Variants in JPH3 observed in about 807,000 individuals in gnomAD.
JPH3 encodes junctophilin-3.
Under a neutral mutation model 59.6 loss-of-function variants are expected in JPH3, and 11 were observed. That is an observed-to-expected ratio of 0.18 (90% CI 0.12 to 0.31). The LOEUF (loss-of-function observed/expected upper bound fraction) is 0.31. Ranked by LOEUF, JPH3 falls within the 10% of genes least tolerant of loss-of-function variation. The pLI, the probability that JPH3 is intolerant of heterozygous loss-of-function variation, is 1.00. For synonymous variants in JPH3, 673 were observed against 483.6 expected (o/e 1.39, Z -5.14); for missense variants, 1,202 against 1,105.7 (o/e 1.09, Z -1.24).
chr16:87,638,217 C>G (rs2031822365), intron 1 of JPH3, among the ~76,000 whole-genome samples: 1 of 152,180 alleles, frequency 6.6e-6, no homozygotes, highest in Non-Finnish European at 1.5e-5. Context: ...CCACACCCGG[C>G]CTCCTTTTAA....
intron 2 of JPH3, among the ~76,000 whole-genome samples, chr16:87,658,755 C>T (rs866244197): frequency 6.6e-6 from 1 of 152,232 alleles, no homozygotes; most frequent in Admixed American, 6.5e-5. Flanking sequence ...CTAAGCCCCT[C>T]TCTCCTCCAG....
In JPH3 at chr16:87,603,299, C is replaced by T; in HGVS notation, c.153C>T (p.Gly51=). 1 of 1,613,386 alleles carries T rather than the reference C, an allele frequency of 6.2e-7. No individual in the cohort carries two copies. ...GSWSHGFEVL[G]VYTWPSGNTY... is the part of the protein sequence containing the mutation. Reference sequence around the variant, plus strand: ...GGAGCCACGGCTTCGAGGTGCTGGGCGTCTACACCTGGCCCAGCGGCAACA... The same window carrying T: ...GGAGCCACGGCTTCGAGGTGCTGGGTGTCTACACCTGGCCCAGCGGCAACA... The change falls in exon 1 of 5, where the codon GGC becomes GGT. Residue 51 remains glycine (G), a synonymous_variant. Transcript: ENST00000284262.
At chr16:87,608,704 C>G (rs1388544300) in intron 1 of JPH3, among the ~76,000 whole-genome samples, 1 of 152,194 alleles carries the variant, frequency 6.6e-6, no homozygotes, top group Non-Finnish European at 1.5e-5. Context: ...CAGTGACCGC[C>G]TGGTCCCGGA....
At chr16:87,677,203 C>T (rs2033167585) in intron 2 of JPH3, among the ~76,000 whole-genome samples, 2 of 119,918 alleles carry the variant, frequency 1.7e-5, no homozygotes, top group South Asian at 6.1e-4. Flanking sequence ...CACACACACA[C>T]ACACACACAC....
At chr16:87,613,184 C>T (rs1413309616) in intron 1 of JPH3, among the ~76,000 whole-genome samples, 1 of 149,216 alleles carries the variant, frequency 6.7e-6, no homozygotes, top group African/African-American at 2.5e-5. Flanking sequence ...GCAAGCTCCG[C>T]CTGCCGGATT....
intron 1 of JPH3, among the ~76,000 whole-genome samples, chr16:87,624,501 C>T (rs1235173426): frequency 6.6e-6 from 1 of 152,258 alleles, no homozygotes; most frequent in Non-Finnish European, 1.5e-5. Context: ...TTCTTCGTAT[C>T]GCTGAGTAAT....
intron 1 of JPH3, among the ~76,000 whole-genome samples, chr16:87,620,908 C>T (rs2031161784): frequency 6.6e-6 from 1 of 152,150 alleles, no homozygotes; most frequent in African/African-American, 2.4e-5. Flanking sequence ...CGCCTATAAT[C>T]CCAGCACTTT....
intron 1 of JPH3, among the ~76,000 whole-genome samples, chr16:87,633,942 A>G (rs1317311231): frequency 6.6e-6 from 1 of 152,160 alleles, no homozygotes. Flanking sequence ...AATTTATCCT[A>G]AGGATAAATT....
rs771378986 is a variant in JPH3 at position 87,684,135 on chromosome 16, C to G, written c.1161-7C>G. 6.2e-7 allele frequency: 1 copy of G among 1,612,654 alleles called. No individual in the cohort carries two copies. Among genetic ancestry groups the G allele is most frequent in the African/African-American group, 1.3e-5 (1 of 74,904 alleles). ...CCCCCCCTCACGCTCCTCCCTGTCT[C>G]CCCCAGGACCTCCCACTCTCGGGCA... On this transcript the variant is annotated splice_polypyrimidine_tract_variant and splice_region_variant and intron_variant, in intron 2 of 4. Transcript: ENST00000284262.
At chr16:87,606,851 T>C (rs1292539701) in intron 1 of JPH3, among the ~76,000 whole-genome samples, 1 of 152,200 alleles carries the variant, frequency 6.6e-6, no homozygotes. Context: ...AGATACTTAC[T>C]GTCTGCCAAG....
chr16:87,646,281 G>C (rs1024103586), intron 2 of JPH3, among the ~76,000 whole-genome samples: 1 of 152,216 alleles, frequency 6.6e-6, no homozygotes, highest in African/African-American at 2.4e-5. Context: ...TGGTGGCTGC[G>C]GTTTGTTGGC....
intron 2 of JPH3, among the ~76,000 whole-genome samples, chr16:87,645,684 C>T (rs753897678): frequency 6.6e-5 from 10 of 152,108 alleles, no homozygotes; most frequent in Non-Finnish European, 1.3e-4. Flanking sequence ...TGGGTGGGAT[C>T]GACGTGGCTT....
chr16:87,697,555 A>G lies in JPH3; in HGVS notation c.*895A>G, dbSNP rs1416498395. 3 of 152,436 alleles carry G rather than the reference A, an allele frequency of 2.0e-5. No individual in the cohort carries two copies. Among genetic ancestry groups the G allele is most frequent in the African/African-American group, 7.2e-5 (3 of 41,436 alleles). The allele number at this position is 152,436 out of a possible 1,614,324, so 9.4% of individuals were successfully genotyped here. On this transcript the variant is annotated 3_prime_UTR_variant, in exon 5 of 5. Transcript: ENST00000284262. ...ACGCGTGGGGTTCCGTGTCCCCAGC[A>G]GTGAGGGCCCTAGAGGACGCCTTCT...
chr16:87,697,206 A>T lies in JPH3; in HGVS notation c.*546A>T, dbSNP rs939986712. 1 of 170,740 alleles carries T rather than the reference A, an allele frequency of 5.9e-6. No homozygotes were observed. Among genetic ancestry groups the T allele is most frequent in the Non-Finnish European group, 1.3e-5 (1 of 78,474 alleles). The allele number at this position is 170,740 out of a possible 1,614,324, so 10.6% of individuals were successfully genotyped here. On this transcript the variant is annotated 3_prime_UTR_variant, in exon 5 of 5. Coordinates refer to ENST00000284262, the MANE Select transcript of JPH3 (RefSeq NM_020655.4). The stretch of plus-strand genomic sequence containing the variant: ...GTAGCCTGGCCTTTTTCTGTGTGAG[A>T]TCTGTGCTGCACACCTGAGGGAGGG...
intron 2 of JPH3, among the ~76,000 whole-genome samples, chr16:87,670,201 G>T (rs1353173459): frequency 1.3e-5 from 2 of 152,182 alleles, no homozygotes; most frequent in Admixed American, 6.5e-5. Context: ...GAGCCCAGCA[G>T]CGAGGGTGGG....
chr16:87,657,497 G>A (rs1465096053), intron 2 of JPH3, among the ~76,000 whole-genome samples: 2 of 152,170 alleles, frequency 1.3e-5, no homozygotes, highest in Non-Finnish European at 2.9e-5. Flanking sequence ...AGCGTTGAAT[G>A]TACTGAATGC....
chr16:87,619,652 G>A (rs747905443), intron 1 of JPH3, among the ~76,000 whole-genome samples: 23 of 152,194 alleles, frequency 1.5e-4, no homozygotes, highest in East Asian at 3.9e-4. Context: ...ACACCACGAC[G>A]GCTGCAGGCA....
chr16:87,671,346 CA>C (rs1208370474), intron 2 of JPH3, among the ~76,000 whole-genome samples: 3 of 152,216 alleles, frequency 2.0e-5, no homozygotes, highest in Non-Finnish European at 2.9e-5. Context: ...TCTGACCCGT[CA>C]GGGGCCCCGA....
At chr16:87,613,509 C>T (rs1035407000) in intron 1 of JPH3, among the ~76,000 whole-genome samples, 6 of 152,104 alleles carry the variant, frequency 3.9e-5, no homozygotes, top group Non-Finnish European at 5.9e-5. Context: ...TTGGTAGAGA[C>T]GGGGTTTCAC....
Sources: gnomAD v4.1 joint callset for allele counts (sites outside exome capture counted in the v4.1 genomes callset) on GRCh38, gnomAD v4.1.1 for gene constraint, MANE v1.5 for transcripts, NCBI Gene and HGNC (gene_info 2026-07-23, HGNC 2026-07-21) for gene names.